HERC2: variants seen among roughly 807,000 people sequenced by gnomAD.
HERC2 encodes the protein E3 ubiquitin-protein ligase HERC2.
A neutral mutation model predicts 537.7 loss-of-function variants in HERC2; 102 were observed. The ratio of observed to expected loss-of-function variants is 0.19; its 90% CI spans 0.16 to 0.22. The LOEUF (loss-of-function observed/expected upper bound fraction) is 0.22, where lower values mean the gene tolerates loss of function less well. Among genes scored for constraint, HERC2 ranks in the 10% least tolerant of loss-of-function variants. The pLI is 1.00. For synonymous variants in HERC2, 2,224 were observed against 2,466.2 expected, an observed-to-expected ratio of 0.90 and a Z score of 2.91; for missense variants, 4,236 against 6,198.2, an observed-to-expected ratio of 0.68 and a Z score of 10.63.
intron 64 of HERC2, among the ~76,000 whole-genome samples, chr15:28,175,102 C>T (rs1295284729): frequency 6.6e-6 from 1 of 151,706 alleles, no homozygotes; most frequent in Non-Finnish European, 1.5e-5. Flanking sequence ...CCAGTCATAG[C>T]GTATGCTTCT....
At chr15:28,137,316 A>G (rs1890748966) in intron 78 of HERC2, among the ~76,000 whole-genome samples, 1 of 152,130 alleles carries the variant, frequency 6.6e-6, no homozygotes, top group East Asian at 1.9e-4. Context: ...CTGCTTCTAA[A>G]TATGTGTGCT....
Position 28,269,444 on chromosome 15 carries a change from A to T in HERC2, c.1258-8T>A. 1 of 1,595,576 alleles carries T rather than the reference A, an allele frequency of 6.3e-7. No individual in the cohort carries two copies. Among genetic ancestry groups the T allele is most frequent in the Non-Finnish European group, 8.6e-7 (1 of 1,164,842 alleles). On this transcript the variant is annotated splice_polypyrimidine_tract_variant and splice_region_variant and intron_variant, in intron 10 of 92. Coordinates refer to ENST00000261609, the MANE Select transcript of HERC2 (RefSeq NM_004667.6). ...GACCTCTTGCAATGATCCCTGTAAG[A>T]TAAGAAAGTAAACATTTCCTTTAAC...
chr15:28,174,460 G>A lies in HERC2; in HGVS notation c.9992C>T (p.Thr3331Met), dbSNP rs140440992. Residue 3331 changes from threonine (T) to methionine (M), a missense_variant, in exon 65 of 93, where the codon ACG becomes ATG. Physicochemically the swap from Thr to Met is moderately conservative, Grantham distance 81. Around this residue, in one of 27 missense-constraint regions of HERC2, gnomAD observed 93 missense variants for 265.1 expected, o/e 0.35. Transcript: ENST00000261609. ...GAGGACGGGCTCGTGGACAGAGGGCGTGGCCACATCCACAGTTGTCCACGC... is the reference window on the plus strand; with the variant it reads ...GAGGACGGGCTCGTGGACAGAGGGCATGGCCACATCCACAGTTGTCCACGC... ...SVAWTTVDVATPSVHEPVLFQ... is the reference protein window; with the variant it reads ...SVAWTTVDVAMPSVHEPVLFQ... 2.7e-4 allele frequency: 436 copies of A among 1,613,618 alleles called. No homozygotes were observed. Among genetic ancestry groups the A allele is most frequent in the Middle Eastern group, 3.4e-4 (2 of 5,804 alleles).
chr15:28,263,228 A>C, intron 14 of HERC2, 59 bp from the exon 15 acceptor site: 2 of 1,547,470 alleles, frequency 1.3e-6, no homozygotes, highest in South Asian at 2.4e-5. Flanking sequence ...AAAAATTTTA[A>C]ATGACTGCAA....
In HERC2 at chr15:28,309,856, T is replaced by C. The variant is rs538377102; in HGVS notation, c.73-10340A>G. On this transcript the variant is annotated intron_variant, in intron 2 of 92. Transcript: ENST00000261609. ...AGCGACAGAAACCAAGCCAGCATCCTTCAGTTTTTGTAGAAGGAACAGCTT... is the reference window on the plus strand; with the variant it reads ...AGCGACAGAAACCAAGCCAGCATCCCTCAGTTTTTGTAGAAGGAACAGCTT... 6.1e-3 allele frequency among the ~76,000 whole-genome samples: 927 copies of C among 152,262 alleles called. 7 individuals carry two copies. The highest frequency in any genetic ancestry group is 0.02 in the African/African-American group (851 of 41,528).
chr15:28,288,315 C>G (rs891369898), intron 4 of HERC2, among the ~76,000 whole-genome samples: 6 of 151,694 alleles, frequency 4.0e-5, no homozygotes, highest in Admixed American at 1.3e-4. Flanking sequence ...CACCTGAGGT[C>G]AGGAGTTCGA....
intron 65 of HERC2, among the ~76,000 whole-genome samples, chr15:28,173,805 A>C (rs1596123869): frequency 6.6e-6 from 1 of 151,944 alleles, no homozygotes; most frequent in East Asian, 1.9e-4. Flanking sequence ...AAAAAAAAAA[A>C]AAACCCAACC....
At chr15:28,270,646 G>T in intron 10 of HERC2, 49 bp downstream of exon 10, 1 of 1,560,460 alleles carries the variant, frequency 6.4e-7, no homozygotes, top group African/African-American at 1.4e-5. Context: ...GAACCTACAA[G>T]TGGTACTAGC....
At chr15:28,320,343 A>AC (rs1281663747) in intron 2 of HERC2, 1 of 152,202 alleles carries the variant, frequency 6.6e-6, no homozygotes, top group Non-Finnish European at 1.5e-5. Context: ...CCAACTCCTG[A>AC]CCTCAGGGCA....
chr15:28,229,896 A>T (rs1292334943), intron 31 of HERC2, 49 bp from the exon 32 acceptor site: 2 of 823,332 alleles, frequency 2.4e-6, no homozygotes, highest in Non-Finnish European at 2.0e-6. Flanking sequence ...ATTTAATAAT[A>T]AACTGTGCTC....
chr15:28,222,998 T>C (rs1417453829), intron 35 of HERC2, among the ~76,000 whole-genome samples: 1 of 152,088 alleles, frequency 6.6e-6, no homozygotes, highest in Non-Finnish European at 1.5e-5. Context: ...ATGATTTTGC[T>C]CTGTGTGCCT....
At chr15:28,248,814 ACAAAT>A (rs1236439910) in intron 20 of HERC2, 78 bp from the exon 21 acceptor site, 17 of 1,109,456 alleles carry the variant, frequency 1.5e-5, no homozygotes, top group Non-Finnish European at 2.2e-5. Context: ...GTAAATCATG[ACAAAT>A]TAATATCACA....
chr15:28,163,780 T>C (rs1392745423), intron 68 of HERC2, among the ~76,000 whole-genome samples: 2 of 152,210 alleles, frequency 1.3e-5, no homozygotes, highest in African/African-American at 4.8e-5. Flanking sequence ...TCTCTCTCTC[T>C]CCTTGGGTTC....
Position 28,201,520 on chromosome 15 carries a change from T to C in HERC2, c.7652A>G (p.Tyr2551Cys). 6.2e-7 allele frequency: 1 copy of C among 1,613,638 alleles called. No homozygotes were observed. The highest frequency in any genetic ancestry group is 8.5e-7 in the Non-Finnish European group (1 of 1,179,516). ...ACTCAAGAAATCAGCTCGTTTTTTG[T>C]ACGTCTGGCTCTCCGTCACAACAGC... is the stretch of plus-strand genomic sequence containing the variant. The part of the protein sequence containing the change: ...TGAVVTESQT[Y>C]KKRADFLSND... The change falls in exon 48 of 93, where the codon TAC becomes TGC. Residue 2551 changes from tyrosine to cysteine, a missense_variant. Tyr to Cys is a radical substitution (Grantham distance 194). This residue lies in a region of HERC2 where 606 missense variants were observed against 884.5 expected (regional missense o/e 0.69). Transcript: ENST00000261609.
At chr15:28,172,801 C>G (rs990221002) in intron 65 of HERC2, among the ~76,000 whole-genome samples, 10 of 152,114 alleles carry the variant, frequency 6.6e-5, no homozygotes, top group Non-Finnish European at 1.5e-4. Flanking sequence ...CTTTAAGATT[C>G]ACCTGTGAAG....
chr15:28,193,563 A>G (rs1897054386), intron 52 of HERC2, among the ~76,000 whole-genome samples: 1 of 152,216 alleles, frequency 6.6e-6, no homozygotes, highest in Non-Finnish European at 1.5e-5. Flanking sequence ...GTGAAGAAAT[A>G]CTGAAAGACA....
intron 78 of HERC2, among the ~76,000 whole-genome samples, chr15:28,138,105 G>A (rs1890832560): frequency 6.6e-6 from 1 of 152,238 alleles, no homozygotes; most frequent in Non-Finnish European, 1.5e-5. Context: ...GGCTGCTGAA[G>A]GAAAGTCTGA....
At chr15:28,114,143 AG>A (rs1887963950) in intron 90 of HERC2, among the ~76,000 whole-genome samples, 1 of 152,216 alleles carries the variant, frequency 6.6e-6, no homozygotes, top group African/African-American at 2.4e-5. Context: ...AGGTGCTTCC[AG>A]GGGACATGGG....
intron 34 of HERC2, among the ~76,000 whole-genome samples, chr15:28,228,863 T>C (rs1040106600): frequency 1.3e-5 from 2 of 152,130 alleles, no homozygotes; most frequent in Non-Finnish European, 2.9e-5. Flanking sequence ...GTCTCACTTT[T>C]CCTCCACAAA....
Sources: gnomAD v4.1 joint callset for allele counts (sites outside exome capture counted in the v4.1 genomes callset) on GRCh38, gnomAD v4.1.1 for gene constraint, gnomAD v4.1.1 regional missense constraint, MANE v1.5 for transcripts, NCBI Gene and HGNC (gene_info 2026-07-23, HGNC 2026-07-21) for gene names.